DACH1: variants seen among roughly 807,000 people sequenced by gnomAD.
The protein encoded by DACH1 is dachshund family transcription factor 1, also known as dachshund homolog 1.
A neutral mutation model predicts 54.2 loss-of-function variants in DACH1; 12 were observed. The observed-to-expected ratio is 0.22, with a 90% confidence interval of 0.14 to 0.36. DACH1 has a LOEUF of 0.36. DACH1 is among the 10% of genes least tolerant of loss of function. DACH1 has a pLI of 1.00. For missense variants in DACH1, 805 were observed against 929.8 expected (o/e 0.87, Z 1.75); for synonymous variants, 386 against 366.2 (o/e 1.05, Z -0.62).
intron 1 of DACH1, among the ~76,000 whole-genome samples, chr13:71,776,690 C>A (rs1886079931): frequency 2.0e-5 from 3 of 152,042 alleles, no homozygotes; most frequent in Non-Finnish European, 2.9e-5. Context: ...TTTGAGGGTA[C>A]CTTCTTACAT....
intron 10 of DACH1, among the ~76,000 whole-genome samples, chr13:71,456,260 C>T (rs1875555640): frequency 4.6e-5 from 7 of 151,932 alleles, no homozygotes; most frequent in Admixed American, 4.6e-4. Context: ...AATAAATGTG[C>T]ATATATTTAG....
chr13:71,812,779 A>T (rs1407186232), intron 1 of DACH1, among the ~76,000 whole-genome samples: 1 of 151,784 alleles, frequency 6.6e-6, no homozygotes, highest in Admixed American at 6.6e-5. Flanking sequence ...AAAGGAAAAA[A>T]CCTCAAATGC....
At chr13:71,526,208 T>C (rs1881941729) in intron 6 of DACH1, among the ~76,000 whole-genome samples, 1 of 152,130 alleles carries the variant, frequency 6.6e-6, no homozygotes, top group South Asian at 2.1e-4. Context: ...TAACGATACA[T>C]AGAGTCTTGT....
intron 3 of DACH1, among the ~76,000 whole-genome samples, chr13:71,604,156 C>T (rs577430715): frequency 2.0e-5 from 3 of 151,990 alleles, no homozygotes; most frequent in East Asian, 3.9e-4. Flanking sequence ...AAAATCACTT[C>T]ATGTAATTTC....
At chr13:71,770,026 C>CTTACAA (rs1885789631) in intron 1 of DACH1, among the ~76,000 whole-genome samples, 5 of 151,684 alleles carry the variant, frequency 3.3e-5, no homozygotes, top group Non-Finnish European at 7.4e-5. Context: ...TCCTTCAGTG[C>CTTACAA]ATTAGAATAC....
intron 6 of DACH1, among the ~76,000 whole-genome samples, chr13:71,516,909 C>T (rs2138270721): frequency 9.0e-6 from 1 of 110,556 alleles, no homozygotes; most frequent in East Asian, 2.7e-4. Flanking sequence ...TATATATATG[C>T]ACACACATAT....
At chr13:71,474,532 A>G (rs374352623) in intron 10 of DACH1, among the ~76,000 whole-genome samples, 24 of 152,234 alleles carry the variant, frequency 1.6e-4, no homozygotes, top group Non-Finnish European at 3.1e-4. Flanking sequence ...TAATAGTACG[A>G]TCATGACAAT....
intron 2 of DACH1, among the ~76,000 whole-genome samples, chr13:71,669,771 T>C (rs1006317219): frequency 2.0e-5 from 3 of 152,130 alleles, no homozygotes; most frequent in Non-Finnish European, 2.9e-5. Context: ...ATCAATAAAC[T>C]GGGATCATAA....
intron 1 of DACH1, among the ~76,000 whole-genome samples, chr13:71,854,250 G>T (rs1231274511): frequency 6.6e-6 from 1 of 151,910 alleles, no homozygotes; most frequent in Non-Finnish European, 1.5e-5. Context: ...TTTTTGGCTA[G>T]ATGTTTATAG....
At chr13:71,686,196 G>T (rs1881151797) in intron 1 of DACH1, among the ~76,000 whole-genome samples, 1 of 152,092 alleles carries the variant, frequency 6.6e-6, no homozygotes, top group South Asian at 2.1e-4. Flanking sequence ...GTTTTTGCCA[G>T]CTTCATGCAT....
At chr13:71,579,939 T>G (rs1186472332) in intron 3 of DACH1, among the ~76,000 whole-genome samples, 1 of 152,168 alleles carries the variant, frequency 6.6e-6, no homozygotes. Flanking sequence ...GGGTAAATAG[T>G]TACATAGATT....
intron 3 of DACH1, among the ~76,000 whole-genome samples, chr13:71,615,226 T>C (rs1383170643): frequency 6.6e-6 from 1 of 152,150 alleles, no homozygotes; most frequent in Non-Finnish European, 1.5e-5. Flanking sequence ...TTTAAAAGTG[T>C]CAAACTTCTT....
At chr13:71,782,195 C>G (rs1566497151) in intron 1 of DACH1, among the ~76,000 whole-genome samples, 1 of 152,290 alleles carries the variant, frequency 6.6e-6, no homozygotes, top group African/African-American at 2.4e-5. Context: ...AATCCCAGCA[C>G]TTTAGGAGGC....
chr13:71,803,788 T>C lies in DACH1; in HGVS notation c.848+62134A>G, dbSNP rs1887380953. 2.0e-5 allele frequency among the ~76,000 whole-genome samples: 3 copies of C among 152,300 alleles called. No individual in the cohort carries two copies. The South Asian group carries it at 6.2e-4, about 32-fold the overall frequency. The stretch of plus-strand genomic sequence containing the variant: ...CCTTCTATTCCTCCCATCTATTCAC[T>C]ATCAATGTAATCTAGCAATGAAAAC... On this transcript the variant is annotated intron_variant, in intron 1 of 10. Transcript: ENST00000613252.
intron 1 of DACH1, among the ~76,000 whole-genome samples, chr13:71,747,456 C>T (rs553707475): frequency 3.6e-4 from 55 of 152,184 alleles, no homozygotes; most frequent in African/African-American, 1.3e-3. Flanking sequence ...TGGTGCATTT[C>T]TGTAGTCCCA....
intron 2 of DACH1, among the ~76,000 whole-genome samples, chr13:71,660,617 C>T (rs890323881): frequency 6.6e-6 from 1 of 151,974 alleles, no homozygotes; most frequent in Non-Finnish European, 1.5e-5. Flanking sequence ...CTTAATTTCT[C>T]ATGGTACTAC....
At chr13:71,786,730 G>C (rs1886607358) in intron 1 of DACH1, among the ~76,000 whole-genome samples, 1 of 152,044 alleles carries the variant, frequency 6.6e-6, no homozygotes, top group Non-Finnish European at 1.5e-5. Context: ...GCCTCTTCAT[G>C]ATATTTAGAA....
chr13:71,464,039 A>AATC (rs1876337374), intron 10 of DACH1, among the ~76,000 whole-genome samples: 1 of 152,054 alleles, frequency 6.6e-6, no homozygotes, highest in Admixed American at 6.6e-5. Flanking sequence ...ACTGTCAGTC[A>AATC]ATCTAACAGT....
At position 71,489,123 on chromosome 13, in the gene DACH1, G is replaced by A. The variant is rs757570915; in HGVS notation, c.1596C>T (p.Thr532=). 9.9e-6 allele frequency: 16 copies of A among 1,613,394 alleles called. No homozygotes were observed. Among genetic ancestry groups the A allele is most frequent in the Middle Eastern group, 3.3e-4 (2 of 6,076 alleles). The change falls in exon 7 of 11, where the codon ACC becomes ACT. Residue 532 remains threonine, a synonymous_variant. Coordinates refer to ENST00000613252, the MANE Select transcript of DACH1 (RefSeq NM_080759.6). ...EKDETPLSTP[T]ARDSLDKLSL... is the part of the protein sequence containing the mutation. ...AGAGTTTGTCAAGGCTGTCTCTTGCGGTTGGTGTAGAAAGCGGGGTCTCAT... is the reference window on the plus strand; with the variant it reads ...AGAGTTTGTCAAGGCTGTCTCTTGCAGTTGGTGTAGAAAGCGGGGTCTCAT...
Sources: allele counts gnomAD v4.1 joint callset (sites outside exome capture counted in the v4.1 genomes callset), GRCh38; gene constraint gnomAD v4.1.1; transcripts MANE v1.5; gene names NCBI Gene and HGNC (gene_info 2026-07-23, HGNC 2026-07-21).